Variants in SLC31A1 observed in about 807,000 individuals in gnomAD.
SLC31A1 encodes the protein high affinity copper uptake protein 1.
A neutral mutation model predicts 17.2 loss-of-function variants in SLC31A1; 5 were observed. The ratio of observed to expected loss-of-function variants is 0.29; its 90% confidence interval spans 0.15 to 0.61. The LOEUF is 0.61. SLC31A1 is among the 20% of genes least tolerant of loss of function. The pLI, the probability that SLC31A1 is intolerant of heterozygous loss-of-function variation, is 0.86. For missense variants in SLC31A1, 161 were observed against 241.4 expected, an observed-to-expected ratio of 0.67 and a Z score of 2.21; for synonymous variants, 76 against 78.8, an observed-to-expected ratio of 0.96 and a Z score of 0.19.
rs935558410 is a variant in SLC31A1 at position 113,261,010 on chromosome 9, C to T, written c.*537C>T. On this transcript the variant is annotated 3_prime_UTR_variant, in exon 5 of 5. Transcript: ENST00000374212. ...ACACAGTGGCCCATGCCTGTAATCC[C>T]AGCACTTTGGGGGGCCAAGGCAGGC... 1 of 196,034 alleles carries T rather than the reference C, an allele frequency of 5.1e-6. No homozygotes were observed. Among genetic ancestry groups the T allele is most frequent in the African/African-American group, 2.4e-5 (1 of 42,550 alleles). 12.1% of individuals were successfully genotyped at this position (196,034 alleles called of 1,614,324 possible). A position where few individuals can be genotyped will look rare whatever the true frequency, so the allele number is the denominator to read the frequency against.
chr9:113,229,070 T>G (rs1587987064), intron 1 of SLC31A1, among the ~76,000 whole-genome samples: 1 of 152,350 alleles, frequency 6.6e-6, no homozygotes. Flanking sequence ...GGTCTTGAAC[T>G]CCTGACCTCA....
chr9:113,225,129 C>A (rs1831326917), intron 1 of SLC31A1, among the ~76,000 whole-genome samples: 1 of 152,200 alleles, frequency 6.6e-6, no homozygotes, highest in Non-Finnish European at 1.5e-5. Context: ...CACACTGTCA[C>A]CATTGATAAG....
intron 1 of SLC31A1, among the ~76,000 whole-genome samples, chr9:113,248,414 C>CATGG (rs1831607682): frequency 6.7e-6 from 1 of 149,266 alleles, no homozygotes; most frequent in African/African-American, 2.5e-5. Context: ...ATAGCCACTT[C>CATGG]ATGGTCTCAG....
intron 4 of SLC31A1, among the ~76,000 whole-genome samples, 158 bp downstream of exon 4, chr9:113,259,020 G>A (rs1831759059): frequency 1.3e-5 from 2 of 152,234 alleles, no homozygotes; most frequent in Non-Finnish European, 2.9e-5. Context: ...TAGGTCATGA[G>A]CAGGCCAAAG....
chr9:113,228,642 G>A (rs1831368029), intron 1 of SLC31A1, among the ~76,000 whole-genome samples: 1 of 152,166 alleles, frequency 6.6e-6, no homozygotes, highest in South Asian at 2.1e-4. Flanking sequence ...GATATGTAAA[G>A]CTCAGAAACC....
intron 1 of SLC31A1, among the ~76,000 whole-genome samples, chr9:113,231,735 A>G (rs564120948): frequency 6.6e-6 from 1 of 152,362 alleles, no homozygotes; most frequent in Admixed American, 6.5e-5. Context: ...ATCAAAGTGA[A>G]TATTAGATGA....
intron 1 of SLC31A1, among the ~76,000 whole-genome samples, chr9:113,236,061 C>T (rs150832687): frequency 0.017 from 2,549 of 152,312 alleles, 31 homozygotes; most frequent in Non-Finnish European, 0.026. Flanking sequence ...AATCTCGGCT[C>T]ACTGCAACCT....
rs192241537 is a variant in SLC31A1, at chr9:113,229,188, G to A, written c.-36+7510G>A. On this transcript the variant is annotated intron_variant, in intron 1 of 4. Transcript: ENST00000374212. ...AATAGGAAATATATTCATATGGTTT[G>A]TAATTCAAAAAGTACACAAGGATAT... 3.9e-5 allele frequency among the ~76,000 whole-genome samples: 6 copies of A among 152,254 alleles called. No homozygotes were observed. In the East Asian group the frequency reaches 1.2e-3, roughly 29 times the overall value.
intron 4 of SLC31A1, among the ~76,000 whole-genome samples, chr9:113,259,596 T>C (rs1425514604): frequency 6.7e-6 from 1 of 149,844 alleles, no homozygotes. Context: ...TTTTTTTTTT[T>C]TTTCTGGAGA....
intron 1 of SLC31A1, among the ~76,000 whole-genome samples, chr9:113,232,964 G>A (rs1012962524): frequency 6.6e-6 from 1 of 152,228 alleles, no homozygotes; most frequent in African/African-American, 2.4e-5. Flanking sequence ...AGATTGAGAA[G>A]TAAAAATGAG....
chr9:113,242,908 G>A (rs749493374), intron 1 of SLC31A1, among the ~76,000 whole-genome samples: 4 of 152,168 alleles, frequency 2.6e-5, no homozygotes, highest in Non-Finnish European at 4.4e-5. Flanking sequence ...ACAGGTATGA[G>A]TTTTGTTTAC....
intron 1 of SLC31A1, among the ~76,000 whole-genome samples, chr9:113,251,155 G>T (rs1248287030): frequency 6.6e-6 from 1 of 152,178 alleles, no homozygotes; most frequent in Admixed American, 6.5e-5. Context: ...TGGCATGGTG[G>T]TTCATGCCTG....
chr9:113,256,411 G>GC (rs1448560891), intron 2 of SLC31A1, 134 bp downstream of exon 2: 1 of 989,170 alleles, frequency 1.0e-6, no homozygotes, highest in African/African-American at 1.6e-5. Context: ...GCAGACCCAA[G>GC]CAAGTCAAGT....
intron 1 of SLC31A1, 86 bp from the exon 2 acceptor site, chr9:113,256,028 T>C (rs148147789): frequency 3.2e-5 from 33 of 1,029,664 alleles, no homozygotes; most frequent in African/African-American, 6.5e-5. Flanking sequence ...CTGGGCAACA[T>C]AGCAAGATTC....
At chr9:113,230,136 C>G (rs563878082) in intron 1 of SLC31A1, among the ~76,000 whole-genome samples, 12 of 152,150 alleles carry the variant, frequency 7.9e-5, no homozygotes, top group Non-Finnish European at 1.6e-4. Context: ...TTACTGTCTT[C>G]CCAAATTTTT....
At chr9:113,228,682 A>G (rs956013609) in intron 1 of SLC31A1, among the ~76,000 whole-genome samples, 1 of 152,238 alleles carries the variant, frequency 6.6e-6, no homozygotes, top group African/African-American at 2.4e-5. Context: ...CCAGCAAGCC[A>G]TCCGGAGAAA....
intron 1 of SLC31A1, among the ~76,000 whole-genome samples, chr9:113,226,115 G>A (rs1192910006): frequency 2.0e-5 from 3 of 148,180 alleles, no homozygotes; most frequent in East Asian, 2.0e-4. Flanking sequence ...CAACCTGGGC[G>A]ACAGAGTGAG....
chr9:113,257,099 T>A lies in SLC31A1; in HGVS notation c.130-14T>A. ...TCATTCATCTCTAACTGACTTGTTT[T>A]GGTTTTCTGGCAGCCTATGACCTTC... On this transcript the variant is annotated splice_polypyrimidine_tract_variant and intron_variant, in intron 2 of 4. Transcript: ENST00000374212. 1.2e-6 allele frequency: 2 copies of A among 1,611,964 alleles called. No individual in the cohort carries two copies. The highest frequency in any genetic ancestry group is 1.7e-6 in the Non-Finnish European group (2 of 1,178,070).
At chr9:113,257,578 C>G (rs918927058) in intron 3 of SLC31A1, among the ~76,000 whole-genome samples, 2 of 150,548 alleles carry the variant, frequency 1.3e-5, no homozygotes, top group Admixed American at 1.3e-4. Flanking sequence ...CTCTGCCTCC[C>G]AGGTTCAAGC....
Sources: allele counts gnomAD v4.1 joint callset (sites outside exome capture counted in the v4.1 genomes callset), GRCh38; gene constraint gnomAD v4.1.1; transcripts MANE v1.5; gene names NCBI Gene and HGNC (gene_info 2026-07-23, HGNC 2026-07-21).